The following CCDC88A variants were observed in gnomAD, a reference collection of about 807,000 sequenced individuals.
The protein encoded by CCDC88A is coiled-coil and HOOK domain protein 88A, also known as girdin.
A neutral mutation model predicts 234.3 loss-of-function variants in CCDC88A; 54 were observed. That is an observed-to-expected ratio of 0.23 (90% CI 0.19 to 0.29). The LOEUF (loss-of-function observed/expected upper bound fraction) is 0.29. Ranked by LOEUF, CCDC88A falls within the 10% of genes least tolerant of loss-of-function variation. The probability of loss-of-function intolerance (pLI) is 1.00; values close to 1 mark genes in which losing one functional copy is unlikely to be tolerated. For missense variants in CCDC88A, 1,832 were observed against 2,123.4 expected (o/e 0.86, Z 2.70); for synonymous variants, 753 against 737.8 (o/e 1.02, Z -0.33).
chr2:55,391,333 C>A (rs1300247513), intron 2 of CCDC88A, among the ~76,000 whole-genome samples: 1 of 145,596 alleles, frequency 6.9e-6, no homozygotes, highest in African/African-American at 2.5e-5. Context: ...GTTTGTCACT[C>A]TAAAAGGACA....
intron 2 of CCDC88A, among the ~76,000 whole-genome samples, chr2:55,413,843 T>A (rs550284225): frequency 4.0e-5 from 6 of 151,846 alleles, no homozygotes; most frequent in African/African-American, 1.5e-4. Context: ...TCCTAGGTAC[T>A]TGGGAGGCTA....
Position 55,317,442 on chromosome 2 carries a change from T to C in CCDC88A, c.3603-93A>G. On this transcript the variant is annotated intron_variant, in intron 20 of 32. Coordinates refer to ENST00000436346, the MANE Select transcript of CCDC88A (RefSeq NM_001365480.1). The surrounding 1 kb of genome is among the most constrained non-coding windows in gnomAD (Gnocchi z 4.2). ...AGTAATGAGTATCATTTAAAACACA[T>C]GTAAATTTATATAAATTTCTTATGT... is the stretch of plus-strand genomic sequence containing the variant. 2 of 1,181,420 alleles carry C rather than the reference T, an allele frequency of 1.7e-6. No homozygotes were observed. Among genetic ancestry groups the C allele is most frequent in the Non-Finnish European group, 2.3e-6 (2 of 871,300 alleles). 73.2% of individuals were successfully genotyped at this position (1,181,420 alleles called of 1,614,324 possible).
At position 55,296,388 on chromosome 2, in the gene CCDC88A, G is replaced by T. The variant is rs1010937159; in HGVS notation, c.4961C>A (p.Pro1654Gln). ...TTCAGATATTTTGTGCTGGAGCACT[G>T]GGCTTGATCTGGTCTGTCTTTTCAA... is the stretch of plus-strand genomic sequence containing the variant. Reference protein sequence around the residue: ...QYLKRQTRSSPVLQHKISETL... With the variant: ...QYLKRQTRSSQVLQHKISETL... The change falls in exon 30 of 33, where the codon CCA becomes CAA. Residue 1654 changes from proline to glutamine, a missense_variant. Physicochemically the swap from Pro to Gln is moderately conservative, Grantham distance 76 (BLOSUM62 -1). Coordinates refer to ENST00000436346, the MANE Select transcript of CCDC88A (RefSeq NM_001365480.1). The T allele has an allele frequency of 2.5e-6, 4 of 1,614,042 alleles. No homozygotes were observed. The African/African-American group carries it at 4.0e-5, about 16-fold the overall frequency.
At chr2:55,292,874 A>AAAAGAACT (rs1243263941) in intron 31 of CCDC88A, 1 of 152,250 alleles carries the variant, frequency 6.6e-6, no homozygotes, top group African/African-American at 2.4e-5. Context: ...CAAACAAACA[A>AAAAGAACT]AAAGAACTAG....
chr2:55,341,871 A>G (rs1668554815), intron 12 of CCDC88A, among the ~76,000 whole-genome samples: 1 of 152,190 alleles, frequency 6.6e-6, no homozygotes, highest in Non-Finnish European at 1.5e-5. Context: ...ATGCTGCAAC[A>G]AGCATGGGAA....
intron 29 of CCDC88A, 41 bp from the exon 30 acceptor site, chr2:55,296,564 T>C (rs769062386): frequency 7.0e-6 from 11 of 1,572,720 alleles, no homozygotes; most frequent in South Asian, 1.2e-5. Flanking sequence ...AATAATAGAA[T>C]TGAGATTAAT....
At chr2:55,352,478 G>T (rs1670017419) in intron 8 of CCDC88A, among the ~76,000 whole-genome samples, 1 of 151,504 alleles carries the variant, frequency 6.6e-6, no homozygotes, top group African/African-American at 2.4e-5. Context: ...GGTGTGTGAT[G>T]ACTGTACAAC....
Position 55,295,642 on chromosome 2 carries a change from C to G in CCDC88A, c.5506G>C (p.Asp1836His). The G allele has an allele frequency of 6.2e-7, 1 of 1,614,164 alleles. No homozygotes were observed. Among genetic ancestry groups the G allele is most frequent in the Non-Finnish European group, 8.5e-7 (1 of 1,180,026 alleles). The stretch of plus-strand genomic sequence containing the variant: ...CTGTCAGCAGCAGCTGGTGGTGAAT[C>G]AACTGATATAGGCAGTCTACTGTCC... Reference protein sequence around the residue: ...TKDSRLPISVDSPPAAADSNT... With the variant: ...TKDSRLPISVHSPPAAADSNT... Residue 1836 changes from aspartate to histidine, a missense_variant, in exon 31 of 33, where the codon GAT (aspartate) becomes CAT (histidine). Asp to His is a moderately conservative substitution (Grantham distance 81, BLOSUM62 -1). This residue lies in a region of CCDC88A where 422 missense variants were observed against 416.5 expected (regional missense o/e 1.01). Transcript: ENST00000436346.
At chr2:55,396,663 G>A (rs986421184) in intron 2 of CCDC88A, among the ~76,000 whole-genome samples, 1 of 152,076 alleles carries the variant, frequency 6.6e-6, no homozygotes. Context: ...GAGGTCTGGA[G>A]ATCGAGACCA....
chr2:55,309,846 T>C lies in CCDC88A; in HGVS notation c.4080-592A>G, dbSNP rs1457291018. Among the ~76,000 whole-genome samples the C allele has an allele frequency of 1.3e-5, 2 of 152,124 alleles. No individual in the cohort carries two copies. The highest frequency in any genetic ancestry group is 3.9e-4 in the East Asian group (2 of 5,194). Reference sequence around the variant, plus strand: ...TGAAGATGAATAATAAATAGCTTTGTTTACAATATAGGAGAGAAGATATAT... The same window carrying C: ...TGAAGATGAATAATAAATAGCTTTGCTTACAATATAGGAGAGAAGATATAT... On this transcript the variant is annotated intron_variant, in intron 23 of 32. Coordinates refer to ENST00000436346, the MANE Select transcript of CCDC88A (RefSeq NM_001365480.1). The surrounding 1 kb of genome is among the most constrained non-coding windows in gnomAD (Gnocchi z 5.1).
intron 17 of CCDC88A, among the ~76,000 whole-genome samples, chr2:55,327,168 T>C (rs2589056): frequency 0.39 from 59,837 of 152,006 alleles, 12,498 homozygotes; most frequent in East Asian, 0.85. Flanking sequence ...GTATGTTCGA[T>C]GGCAATGTCT....
At position 55,317,239 on chromosome 2, in the gene CCDC88A, G is replaced by A; in HGVS notation, c.3713C>T (p.Ala1238Val). 6.5e-7 allele frequency: 1 copy of A among 1,542,138 alleles called. No homozygotes were observed. The highest frequency in any genetic ancestry group is 8.8e-7 in the Non-Finnish European group (1 of 1,140,164). The change falls in exon 21 of 33, where the codon GCA (alanine) becomes GTA (valine). Residue 1238 changes from alanine (A) to valine (V), a missense_variant. Coordinates refer to ENST00000436346, the MANE Select transcript of CCDC88A (RefSeq NM_001365480.1). This position sits in a 1 kb window ranked among gnomAD's most constrained non-coding sequence, Gnocchi z 4.2. Reference sequence around the variant, plus strand: ...TTCACCACAAAGTTTCTTGTATTCTGCAGCTACTGTTTCATGATTTTTATT... The same window carrying A: ...TTCACCACAAAGTTTCTTGTATTCTACAGCTACTGTTTCATGATTTTTATT... Reference protein sequence around the residue: ...LENKNHETVAAEYKKLCGEND... With the variant: ...LENKNHETVAVEYKKLCGEND...
chr2:55,415,370 T>G (rs770492686), intron 2 of CCDC88A, among the ~76,000 whole-genome samples: 1 of 151,970 alleles, frequency 6.6e-6, no homozygotes, highest in Non-Finnish European at 1.5e-5. Context: ...TTTGCCCTCC[T>G]CCCTGAAACA....
At chr2:55,367,532 T>TTTTTTTTTTTTGTTTTTTG (rs1348247433) in intron 5 of CCDC88A, among the ~76,000 whole-genome samples, 11 of 141,534 alleles carry the variant, frequency 7.8e-5, no homozygotes, top group South Asian at 2.3e-4. Flanking sequence ...TTCCTTGTTT[T>TTTTTTTTTTTTGTTTTTTG]TTTTTAAGAG....
intron 8 of CCDC88A, among the ~76,000 whole-genome samples, chr2:55,352,375 C>T (rs564642352): frequency 2.0e-5 from 3 of 150,920 alleles, no homozygotes; most frequent in Admixed American, 6.6e-5. Context: ...TGCAGTGAGC[C>T]GAGATCACGC....
chr2:55,327,238 T>C (rs1309717108), intron 17 of CCDC88A, among the ~76,000 whole-genome samples: 1 of 152,190 alleles, frequency 6.6e-6, no homozygotes, highest in Non-Finnish European at 1.5e-5. Flanking sequence ...GAACATTCTA[T>C]GTTACTAGAT....
rs1303423142 is a variant in CCDC88A at position 55,355,656 on chromosome 2, C to T, written c.723G>A (p.Lys241=). The change falls in exon 8 of 33, where the codon AAG becomes AAA. Residue 241 remains lysine, a synonymous_variant. Transcript: ENST00000436346. The part of the protein sequence containing the change: ...AQSPCGSPGM[K]RTESRQHLSV... ...ACAGATGTTGTCGACTTTCTGTTCGCTTCATGCCTGGAGAACCACAGGGTG... is the reference window on the plus strand; with the variant it reads ...ACAGATGTTGTCGACTTTCTGTTCGTTTCATGCCTGGAGAACCACAGGGTG... 3.1e-6 allele frequency: 5 copies of T among 1,613,974 alleles called. 1 individual carries two copies. Among genetic ancestry groups the T allele is most frequent in the Non-Finnish European group, 4.2e-6 (5 of 1,179,970 alleles).
rs772465566 is a variant in CCDC88A, at chr2:55,288,789, G to A, written c.*2411C>T. ...AATACAGCCAGATAATTTAAAGCATGTCAGGCCCCGGTTAGGAAAATGAAA... is the reference window on the plus strand; with the variant it reads ...AATACAGCCAGATAATTTAAAGCATATCAGGCCCCGGTTAGGAAAATGAAA... On this transcript the variant is annotated 3_prime_UTR_variant, in exon 33 of 33. Transcript: ENST00000436346. 2 of 152,160 alleles carry A rather than the reference G, an allele frequency of 1.3e-5. No individual in the cohort carries two copies. The highest frequency in any genetic ancestry group is 2.4e-5 in the African/African-American group (1 of 41,442). 9.4% of individuals were successfully genotyped at this position (152,160 alleles called of 1,614,324 possible). A position where few individuals can be genotyped will look rare whatever the true frequency, so the allele number is the denominator to read the frequency against.
chr2:55,390,044 AAAAAAT>A, intron 2 of CCDC88A, among the ~76,000 whole-genome samples: 1 of 141,900 alleles, frequency 7.0e-6, no homozygotes, highest in Non-Finnish European at 1.5e-5. Context: ...CAAAAAAAAA[AAAAAAT>A]AAAAAATAAA....
Sources: gnomAD v4.1 joint callset for allele counts (sites outside exome capture counted in the v4.1 genomes callset) on GRCh38, gnomAD v4.1.1 for gene constraint, gnomAD v4.1.1 regional missense constraint, Gnocchi (gnomAD v3.1) non-coding constraint, MANE v1.5 for transcripts, NCBI Gene and HGNC (gene_info 2026-07-23, HGNC 2026-07-21) for gene names.